Variants in GPC5 observed in about 807,000 individuals in gnomAD.
The protein encoded by GPC5 is glypican-5.
GPC5 carries 47 observed loss-of-function variants against 53.9 expected under a neutral mutation model. That is an observed-to-expected ratio of 0.87 (90% confidence interval 0.69 to 1.11). The LOEUF (loss-of-function observed/expected upper bound fraction) is 1.11. GPC5 is among the 50% of genes most tolerant of loss of function. The pLI, the probability that GPC5 is intolerant of heterozygous loss-of-function variation, is 0.00. For synonymous variants in GPC5, 286 were observed against 263.3 expected (o/e 1.09, Z -0.84); for missense variants, 748 against 713.1 (o/e 1.05, Z -0.56).
chr13:91,572,070 T>C (rs570161043), intron 2 of GPC5, among the ~76,000 whole-genome samples: 1 of 144,298 alleles, frequency 6.9e-6, no homozygotes, highest in South Asian at 2.1e-4. Context: ...TACATGTATA[T>C]ACACACATAT....
chr13:92,521,381 A>C (rs1881038738), intron 7 of GPC5, among the ~76,000 whole-genome samples: 2 of 152,218 alleles, frequency 1.3e-5, no homozygotes, highest in Admixed American at 6.5e-5. Flanking sequence ...AAACTACACT[A>C]CAAGGCTACA....
intron 7 of GPC5, among the ~76,000 whole-genome samples, chr13:92,481,709 C>T (rs1488794777): frequency 6.6e-6 from 1 of 151,992 alleles, no homozygotes. Context: ...CATTTCCTTT[C>T]TTTTCTAAGA....
At chr13:91,950,499 T>A (rs1430888533) in intron 6 of GPC5, among the ~76,000 whole-genome samples, 1 of 152,194 alleles carries the variant, frequency 6.6e-6, no homozygotes, top group African/African-American at 2.4e-5. Context: ...TGGCTCAGAA[T>A]GAGAGATCTG....
At chr13:91,942,887 T>C (rs2039940843) in intron 6 of GPC5, among the ~76,000 whole-genome samples, 1 of 152,068 alleles carries the variant, frequency 6.6e-6, no homozygotes, top group Admixed American at 6.5e-5. Flanking sequence ...ACATTAACCA[T>C]CCATATACAT....
intron 2 of GPC5, among the ~76,000 whole-genome samples, chr13:91,639,851 T>C (rs1313927836): frequency 6.6e-6 from 1 of 152,210 alleles, no homozygotes; most frequent in East Asian, 1.9e-4. Context: ...AAAGTAGGCT[T>C]TATTGTCTTC....
chr13:92,155,103 A>T (rs2041934212), intron 7 of GPC5, among the ~76,000 whole-genome samples: 1 of 152,122 alleles, frequency 6.6e-6, no homozygotes, highest in Admixed American at 6.5e-5. Flanking sequence ...CTTTTATATC[A>T]ATATCTCTCT....
rs150646297 is a variant in GPC5, at chr13:91,558,579, C to G, written c.325+109657C>G. Among the ~76,000 whole-genome samples, 87 of 152,182 alleles carry G rather than the reference C, an allele frequency of 5.7e-4. 1 individual carries two copies. Among genetic ancestry groups the G allele is most frequent in the African/African-American group, 2.0e-3 (83 of 41,536 alleles). On this transcript the variant is annotated intron_variant, in intron 2 of 7. Transcript: ENST00000377067. ...TGATCCTCTGTGCTTGCTCCTGTAG[C>G]ACTTGGTTAGTATGTGGGACATCCA...
intron 7 of GPC5, among the ~76,000 whole-genome samples, chr13:92,800,664 T>C (rs2138786535): frequency 6.6e-6 from 1 of 151,856 alleles, no homozygotes; most frequent in African/African-American, 2.4e-5. Flanking sequence ...GTTGTGAAGG[T>C]TCCTATGATT....
chr13:91,745,717 A>T (rs1476516132), intron 4 of GPC5, among the ~76,000 whole-genome samples: 2 of 152,016 alleles, frequency 1.3e-5, no homozygotes, highest in Non-Finnish European at 2.9e-5. Flanking sequence ...CAGACTTAAC[A>T]ACTTGCTCTT....
intron 7 of GPC5, among the ~76,000 whole-genome samples, chr13:92,487,124 G>A (rs768355062): frequency 1.2e-4 from 19 of 152,152 alleles, no homozygotes; most frequent in Non-Finnish European, 2.2e-4. Flanking sequence ...CCAAAGTGCT[G>A]GGATTACAGG....
In GPC5 at chr13:91,548,966, C is replaced by T. The variant is rs116899859; in HGVS notation, c.325+100044C>T. On this transcript the variant is annotated intron_variant, in intron 2 of 7. Transcript: ENST00000377067. ...AAATCAACTCAAAGTGGATCATAGA[C>T]GTAAGTGCAAAATGCAAAAACTGGC... 9.5e-4 allele frequency among the ~76,000 whole-genome samples: 145 copies of T among 152,126 alleles called. 2 individuals are homozygous for T. In the East Asian group the frequency reaches 0.01, roughly 11 times the overall value.
chr13:92,162,186 T>G (rs1315368660), intron 7 of GPC5, among the ~76,000 whole-genome samples: 1 of 151,960 alleles, frequency 6.6e-6, no homozygotes, highest in Non-Finnish European at 1.5e-5. Flanking sequence ...TTAATACAAA[T>G]TTTGCAATTC....
chr13:92,349,311 T>C (rs1051381302), intron 7 of GPC5, among the ~76,000 whole-genome samples: 1 of 152,086 alleles, frequency 6.6e-6, no homozygotes, highest in Non-Finnish European at 1.5e-5. Context: ...AGCTGGCTAA[T>C]GTTTTATATT....
chr13:91,638,005 C>T (rs551570200), intron 2 of GPC5, among the ~76,000 whole-genome samples: 2 of 152,098 alleles, frequency 1.3e-5, no homozygotes, highest in Non-Finnish European at 2.9e-5. Context: ...GAGGATAGCT[C>T]TATAATTGAA....
intron 7 of GPC5, among the ~76,000 whole-genome samples, chr13:92,465,028 T>C (rs781555356): frequency 2.6e-5 from 4 of 151,964 alleles, no homozygotes; most frequent in East Asian, 1.9e-4. Flanking sequence ...AGATGGTACA[T>C]TCATCTATGT....
chr13:92,240,967 A>C (rs1311830828), intron 7 of GPC5: 1 of 152,188 alleles, frequency 6.6e-6, no homozygotes, highest in Non-Finnish European at 1.5e-5. Context: ...AGAGGGAGAA[A>C]CTATTCTCTT....
intron 6 of GPC5, among the ~76,000 whole-genome samples, chr13:91,911,963 G>A (rs1229931027): frequency 1.3e-5 from 2 of 152,138 alleles, no homozygotes; most frequent in East Asian, 3.9e-4. Context: ...ATACCCAAGA[G>A]GAATGTGCAG....
chr13:92,828,292 C>T (rs1009114860), intron 7 of GPC5, among the ~76,000 whole-genome samples: 4 of 152,110 alleles, frequency 2.6e-5, no homozygotes, highest in Admixed American at 2.6e-4. Context: ...AAACATTCCA[C>T]CCTGTTTTAT....
At chr13:91,691,301 C>T (rs1250795514) in intron 2 of GPC5, among the ~76,000 whole-genome samples, 1 of 152,144 alleles carries the variant, frequency 6.6e-6, no homozygotes, top group Non-Finnish European at 1.5e-5. Flanking sequence ...AATATAGATT[C>T]CTGAACCAAG....
Sources: gnomAD v4.1 joint callset for allele counts (sites outside exome capture counted in the v4.1 genomes callset) on GRCh38, gnomAD v4.1.1 for gene constraint, MANE v1.5 for transcripts, NCBI Gene and HGNC (gene_info 2026-07-23, HGNC 2026-07-21) for gene names.